The following PAK3 variants were observed in gnomAD, a reference collection of about 807,000 sequenced individuals.
PAK3 encodes the protein p21 (RAC1) activated kinase 3, also known as serine/threonine-protein kinase PAK 3.
PAK3 carries 4 observed loss-of-function variants against 41.0 expected under a neutral mutation model. That is an observed-to-expected ratio of 0.10 (90% CI 0.05 to 0.22). The LOEUF (loss-of-function observed/expected upper bound fraction) is 0.22. PAK3 is among the 10% of genes least tolerant of loss of function. PAK3 has a pLI of 1.00. For synonymous variants in PAK3, 146 were observed against 139.6 expected (o/e 1.05, Z -0.32); for missense variants, 205 against 409.9 (o/e 0.50, Z 4.32).
chrX:111,137,259 T>C (rs2093802786), intron 5 of PAK3, among the ~76,000 whole-genome samples: 1 of 111,789 alleles, frequency 8.9e-6, no homozygotes, highest in African/African-American at 3.3e-5. Context: ...CTCTCAGGAC[T>C]ACAGGCTTGG....
chrX:111,076,041 C>T (rs1330238312), intron 1 of PAK3, among the ~76,000 whole-genome samples: 14 of 112,367 alleles, frequency 1.2e-4, no homozygotes, highest in Non-Finnish European at 2.3e-4. Flanking sequence ...ATGCCTATAC[C>T]GCCATTGTAC....
chrX:111,048,838 A>G (rs2092527274), intron 1 of PAK3, among the ~76,000 whole-genome samples: 1 of 112,540 alleles, frequency 8.9e-6, no homozygotes, highest in Non-Finnish European at 1.9e-5. Context: ...ACTACTAATT[A>G]TGGGGCCTAC....
intron 7 of PAK3, among the ~76,000 whole-genome samples, chrX:111,151,901 T>C (rs1375480313): frequency 9.0e-6 from 1 of 111,473 alleles, no homozygotes; most frequent in African/African-American, 3.3e-5. Flanking sequence ...GTAAACAGAG[T>C]AGGTACACTG....
intron 7 of PAK3, among the ~76,000 whole-genome samples, chrX:111,149,859 C>T (rs1447147775): frequency 2.7e-5 from 3 of 112,320 alleles, no homozygotes; most frequent in Non-Finnish European, 5.6e-5. Context: ...ATATTAGGCT[C>T]CTTGCCACTT....
intron 1 of PAK3, among the ~76,000 whole-genome samples, chrX:111,067,110 CA>C (rs1452447475): frequency 9.0e-6 from 1 of 111,636 alleles, no homozygotes; most frequent in African/African-American, 3.2e-5. Context: ...TTGTGAATAA[CA>C]AAAATTTTGT....
At chrX:111,062,634 A>G (rs1014598074) in intron 1 of PAK3, among the ~76,000 whole-genome samples, 1 of 111,380 alleles carries the variant, frequency 9.0e-6, no homozygotes, top group Non-Finnish European at 1.9e-5. Context: ...TCTTGCTTGC[A>G]AGAAGAGAGG....
intron 1 of PAK3, among the ~76,000 whole-genome samples, chrX:111,041,054 C>T (rs2148770339): frequency 8.9e-6 from 1 of 112,730 alleles, no homozygotes; most frequent in South Asian, 3.7e-4. Flanking sequence ...CAGCCCCCAT[C>T]ACAGCAGCCA....
intron 16 of PAK3, among the ~76,000 whole-genome samples, chrX:111,196,947 G>T (rs1259484688): frequency 1.0e-5 from 1 of 99,537 alleles, no homozygotes; most frequent in Non-Finnish European, 2.0e-5. Context: ...CATTTTAGGT[G>T]CAGGGGGTAC....
intron 1 of PAK3, among the ~76,000 whole-genome samples, chrX:110,975,745 C>A (rs184254919): frequency 3.6e-5 from 4 of 111,497 alleles, no homozygotes; most frequent in African/African-American, 1.3e-4. Context: ...CAGCATGGTA[C>A]GGGTACCAAA....
intron 1 of PAK3, among the ~76,000 whole-genome samples, chrX:110,980,050 T>A (rs1025717891): frequency 3.6e-5 from 4 of 112,032 alleles, no homozygotes; most frequent in African/African-American, 1.3e-4. Flanking sequence ...CCACTTGAAT[T>A]CCTCCTTAGT....
chrX:110,944,888 G>A (rs1422846123), intron 1 of PAK3, among the ~76,000 whole-genome samples: 1 of 111,850 alleles, frequency 8.9e-6, no homozygotes, highest in Non-Finnish European at 1.9e-5. Context: ...CTTTCTTTGC[G>A]TCCCCACTCC....
At chrX:111,084,968 A>G (rs1394873700) in intron 1 of PAK3, among the ~76,000 whole-genome samples, 3 of 111,667 alleles carry the variant, frequency 2.7e-5, no homozygotes, top group Non-Finnish European at 5.6e-5. Flanking sequence ...CTGGGCCGAT[A>G]TAGAAACAGC....
At chrX:111,174,760 G>A (rs1302957207) in intron 11 of PAK3, among the ~76,000 whole-genome samples, 1 of 111,721 alleles carries the variant, frequency 9.0e-6, no homozygotes, top group Non-Finnish European at 1.9e-5. Context: ...CAGGCACTAT[G>A]CTAAGTGCTA....
In PAK3 at chrX:111,223,945, C is replaced by A. The variant is rs1040244031; in HGVS notation, c.*3498C>A. On this transcript the variant is annotated 3_prime_UTR_variant, in exon 18 of 18. Transcript: ENST00000372007. ...GGTGGAATTATGTGAATTTTTTTTT[C>A]TTTTTAAAATTTTATTTGATATTGT... The A allele has an allele frequency of 9.0e-6, 1 of 110,805 alleles. No homozygotes were observed. The highest frequency in any genetic ancestry group is 9.6e-5 in the Admixed American group (1 of 10,429). 9.1% of individuals were successfully genotyped at this position (110,805 alleles called of 1,213,427 possible). A position where few individuals can be genotyped will look rare whatever the true frequency, so the allele number is the denominator to read the frequency against.
intron 1 of PAK3, among the ~76,000 whole-genome samples, chrX:110,975,902 G>C (rs2091318337): frequency 8.9e-6 from 1 of 111,994 alleles, no homozygotes; most frequent in Non-Finnish European, 1.9e-5. Flanking sequence ...AAACTGGCTA[G>C]CCATATGTAG....
At chrX:110,965,618 C>A (rs1020596528) in intron 1 of PAK3, among the ~76,000 whole-genome samples, 4 of 112,503 alleles carry the variant, frequency 3.6e-5, no homozygotes, top group Non-Finnish European at 7.5e-5. Context: ...TACTCACTAG[C>A]AGCAAGCATG....
intron 1 of PAK3, among the ~76,000 whole-genome samples, chrX:111,057,767 A>G (rs1369420693): frequency 9.0e-6 from 1 of 111,675 alleles, no homozygotes; most frequent in East Asian, 2.8e-4. Context: ...TGCAACCATC[A>G]TCACTAATTC....
intron 4 of PAK3, among the ~76,000 whole-genome samples, chrX:111,120,633 A>T (rs1354609072): frequency 9.0e-6 from 1 of 111,571 alleles, no homozygotes; most frequent in African/African-American, 3.3e-5. Context: ...TCTCAAGTTA[A>T]ATATGTCATC....
intron 1 of PAK3, among the ~76,000 whole-genome samples, chrX:110,994,460 C>T (rs985274748): frequency 9.0e-6 from 1 of 111,547 alleles, no homozygotes; most frequent in Non-Finnish European, 1.9e-5. Context: ...CCCTGTTTGG[C>T]ACATGTGAAG....
Sources: allele counts gnomAD v4.1 joint callset (sites outside exome capture counted in the v4.1 genomes callset), GRCh38; gene constraint gnomAD v4.1.1; transcripts MANE v1.5; gene names NCBI Gene and HGNC (gene_info 2026-07-23, HGNC 2026-07-21).